Variants in WDR35 observed in about 807,000 individuals in gnomAD.
The protein encoded by WDR35 is WD repeat domain 35.
Under a neutral mutation model 158.3 loss-of-function variants are expected in WDR35, and 118 were observed. That is an observed-to-expected ratio of 0.75 (90% CI 0.64 to 0.87). The LOEUF is 0.87. WDR35 is among the 40% of genes least tolerant of loss of function. The pLI, the probability that WDR35 is intolerant of heterozygous loss-of-function variation, is 0.00. For missense variants in WDR35, 1,263 were observed against 1,405.8 expected, an observed-to-expected ratio of 0.90 and a Z score of 1.62; for synonymous variants, 448 against 476.1, an observed-to-expected ratio of 0.94 and a Z score of 0.77.
At chr2:19,959,721 C>G (rs901952445) in intron 11 of WDR35, among the ~76,000 whole-genome samples, 2 of 151,896 alleles carry the variant, frequency 1.3e-5, no homozygotes, top group African/African-American at 4.8e-5. Flanking sequence ...GGCATTAATA[C>G]TTAATTGCTT....
chr2:19,977,498 C>G (rs1176267307), intron 5 of WDR35, among the ~76,000 whole-genome samples: 2 of 152,208 alleles, frequency 1.3e-5, no homozygotes, highest in Admixed American at 1.3e-4. Context: ...TGTATAAAAT[C>G]TACTTACTTC....
intron 17 of WDR35, among the ~76,000 whole-genome samples, chr2:19,939,666 G>A: frequency 6.6e-6 from 1 of 151,858 alleles, no homozygotes; most frequent in Non-Finnish European, 1.5e-5. Context: ...ATGTTTAACG[G>A]TAGTGACTAA....
chr2:19,974,722 C>T lies in WDR35; in HGVS notation c.571-89G>A, dbSNP rs1672151484. 4 of 1,278,740 alleles carry T rather than the reference C, an allele frequency of 3.1e-6. No homozygotes were observed. In the Admixed American group the frequency reaches 9.9e-5, roughly 32 times the overall value. The allele number at this position is 1,278,740 out of a possible 1,614,324, so 79.2% of individuals were successfully genotyped here. Reference sequence around the variant, plus strand: ...TCAATAGAGTATTGTAGAAAGAACACTGAAAAATACAGTCTAAAAATCAGG... The same window carrying T: ...TCAATAGAGTATTGTAGAAAGAACATTGAAAAATACAGTCTAAAAATCAGG... On this transcript the variant is annotated intron_variant, in intron 6 of 26. Coordinates refer to ENST00000281405, the MANE Select transcript of WDR35 (RefSeq NM_020779.4).
intron 25 of WDR35, among the ~76,000 whole-genome samples, chr2:19,927,268 A>T (rs1048242421): frequency 2.6e-5 from 4 of 152,214 alleles, no homozygotes; most frequent in African/African-American, 9.6e-5. Flanking sequence ...TGCTCCTATA[A>T]TTGAGGCATA....
chr2:19,955,983 G>C (rs141050736), intron 11 of WDR35, among the ~76,000 whole-genome samples: 1 of 152,062 alleles, frequency 6.6e-6, no homozygotes, highest in East Asian at 1.9e-4. Context: ...CCAACCTCTG[G>C]AGGGAGCTCA....
At chr2:19,941,690 C>T in intron 17 of WDR35, 69 bp downstream of exon 17, 2 of 1,182,634 alleles carry the variant, frequency 1.7e-6, no homozygotes, top group Non-Finnish European at 2.4e-6. Flanking sequence ...AACCAGGATA[C>T]TACACCGCCT....
intron 16 of WDR35, among the ~76,000 whole-genome samples, chr2:19,944,665 A>C (rs1039081267): frequency 6.6e-6 from 1 of 152,152 alleles, no homozygotes; most frequent in Non-Finnish European, 1.5e-5. Context: ...TTTCCTTTGA[A>C]CTATTTCTCA....
At position 19,989,385 on chromosome 2, in the gene WDR35, G is replaced by C. The variant is rs897949017; in HGVS notation, c.25-103C>G. 9.4e-6 allele frequency: 10 copies of C among 1,065,220 alleles called. No homozygotes were observed. The Admixed American group carries it at 1.7e-4, about 18-fold the overall frequency. 66.0% of individuals were successfully genotyped at this position (1,065,220 alleles called of 1,614,324 possible). A position where few individuals can be genotyped will look rare whatever the true frequency, so the allele number is the denominator to read the frequency against. ...AAGAAAATCTTCCAAGAAGAAAAAC[G>C]AACGGCCTTGCAGAAAAAAAATGAG... is the stretch of plus-strand genomic sequence containing the variant. On this transcript the variant is annotated intron_variant, in intron 1 of 26. Coordinates refer to ENST00000281405, the MANE Select transcript of WDR35 (RefSeq NM_020779.4).
At chr2:19,956,606 C>T (rs1309421463) in intron 11 of WDR35, among the ~76,000 whole-genome samples, 2 of 150,390 alleles carry the variant, frequency 1.3e-5, no homozygotes, top group Non-Finnish European at 3.0e-5. Context: ...ATAGAGTACA[C>T]GCTTAATAAT....
chr2:19,941,572 A>G (rs1232813894), intron 17 of WDR35, among the ~76,000 whole-genome samples, 187 bp downstream of exon 17: 1 of 152,204 alleles, frequency 6.6e-6, no homozygotes, highest in African/African-American at 2.4e-5. Context: ...ATCATTTTAC[A>G]GGAAAGTAAA....
intron 9 of WDR35, among the ~76,000 whole-genome samples, chr2:19,969,088 T>A (rs952832100): frequency 1.3e-5 from 2 of 152,200 alleles, no homozygotes; most frequent in Non-Finnish European, 2.9e-5. Context: ...CAGCCACAGC[T>A]CTTGTGGGTT....
At chr2:19,971,519 A>T (rs1022020561) in intron 8 of WDR35, among the ~76,000 whole-genome samples, 4 of 152,230 alleles carry the variant, frequency 2.6e-5, no homozygotes, top group Non-Finnish European at 5.9e-5. Context: ...CATTCTCCAG[A>T]ACTGTGAGCC....
intron 9 of WDR35, among the ~76,000 whole-genome samples, chr2:19,967,483 G>C (rs1671894896): frequency 6.6e-6 from 1 of 151,824 alleles, no homozygotes; most frequent in African/African-American, 2.4e-5. Flanking sequence ...GTTTATTTCT[G>C]TATCACATTA....
At position 19,960,615 on chromosome 2, in the gene WDR35, CTG is replaced by C; in HGVS notation, c.1195-3_1195-2del. 1.2e-6 allele frequency: 2 copies of C among 1,606,814 alleles called. No homozygotes were observed. Among genetic ancestry groups the C allele is most frequent in the Non-Finnish European group, 1.7e-6 (2 of 1,174,690 alleles). ...TAGAATTACAAAGAACTAGTACAAA[CTG>C]TGAACAAATAAAACAAAAAGTATCA... On this transcript the variant is annotated splice_acceptor_variant and splice_polypyrimidine_tract_variant and intron_variant, in intron 10 of 26. Transcript: ENST00000281405. LOFTEE classifies it high-confidence loss of function.
intron 14 of WDR35, among the ~76,000 whole-genome samples, chr2:19,947,015 T>C (rs1048426163): frequency 1.2e-4 from 19 of 152,218 alleles, no homozygotes; most frequent in African/African-American, 4.6e-4. Context: ...TTTTATCCTA[T>C]AGTCATCTAT....
At chr2:19,948,633 T>C (rs1671135987) in intron 13 of WDR35, among the ~76,000 whole-genome samples, 1 of 152,160 alleles carries the variant, frequency 6.6e-6, no homozygotes. Flanking sequence ...GGCATTGCAC[T>C]GCAACAACCT....
chr2:19,914,308 A>T (rs200412803), intron 25 of WDR35, 31 bp from the exon 26 acceptor site: 19 of 1,613,092 alleles, frequency 1.2e-5, no homozygotes, highest in South Asian at 5.5e-5. Context: ...GGGGTTTTTT[A>T]AAATAATTAT....
chr2:19,946,438 A>G (rs559842133), intron 15 of WDR35, 23 bp downstream of exon 15: 2 of 1,579,994 alleles, frequency 1.3e-6, no homozygotes, highest in Non-Finnish European at 1.7e-6. Flanking sequence ...TAACATCTAC[A>G]TGAGCAGAGT....
intron 19 of WDR35, 86 bp downstream of exon 19, chr2:19,937,657 C>A: frequency 1.3e-6 from 2 of 1,542,090 alleles, no homozygotes; most frequent in Non-Finnish European, 1.8e-6. Flanking sequence ...ATATGATACA[C>A]CTAACGTATT....
Sources: allele counts gnomAD v4.1 joint callset (sites outside exome capture counted in the v4.1 genomes callset), GRCh38; gene constraint gnomAD v4.1.1; transcripts MANE v1.5; gene names NCBI Gene and HGNC (gene_info 2026-07-23, HGNC 2026-07-21).